Variants in BMPR2 observed in about 807,000 individuals in gnomAD.
The protein encoded by BMPR2 is bone morphogenetic protein receptor type-2.
In BMPR2, 29 loss-of-function variants were observed where a neutral mutation model predicts 100.8. The observed-to-expected ratio is 0.29, with a 90% confidence interval of 0.21 to 0.39. The LOEUF (loss-of-function observed/expected upper bound fraction) is 0.39, where lower values mean the gene tolerates loss of function less well. Among genes scored for constraint, BMPR2 ranks in the 10% least tolerant of loss-of-function variants. The probability of loss-of-function intolerance (pLI) is 1.00; values close to 1 mark genes in which losing one functional copy is unlikely to be tolerated. For synonymous variants in BMPR2, 382 were observed against 442.3 expected (o/e 0.86, Z 1.71); for missense variants, 1,011 against 1,274.5 (o/e 0.79, Z 3.15).
chr2:202,476,451 C>G (rs578252836), intron 3 of BMPR2, among the ~76,000 whole-genome samples: 1 of 152,104 alleles, frequency 6.6e-6, no homozygotes, highest in Non-Finnish European at 1.5e-5. Context: ...CATTCAAAAC[C>G]AAGATGAGAC....
chr2:202,422,810 G>A (rs1445506437), intron 1 of BMPR2, among the ~76,000 whole-genome samples: 2 of 152,086 alleles, frequency 1.3e-5, no homozygotes, highest in Admixed American at 6.6e-5. Flanking sequence ...CTGAATAGCT[G>A]GGATTACAGG....
intron 1 of BMPR2, among the ~76,000 whole-genome samples, chr2:202,441,768 T>A (rs1198456446): frequency 6.9e-6 from 1 of 144,296 alleles, no homozygotes; most frequent in Non-Finnish European, 1.5e-5. Context: ...GCGTGGTGGC[T>A]CACGCCTGTA....
chr2:202,521,961 C>A (rs534512520), intron 7 of BMPR2, among the ~76,000 whole-genome samples: 22 of 152,248 alleles, frequency 1.4e-4, no homozygotes, highest in African/African-American at 5.1e-4. Flanking sequence ...GAGTTTGAGA[C>A]CAGCATGGGC....
chr2:202,525,197 G>A (rs927140859), intron 7 of BMPR2, among the ~76,000 whole-genome samples: 2 of 151,708 alleles, frequency 1.3e-5, no homozygotes, highest in Admixed American at 6.6e-5. Context: ...TATGAGGTAC[G>A]TGAGTTTTGT....
At chr2:202,485,787 C>G (rs13400642) in intron 3 of BMPR2, among the ~76,000 whole-genome samples, 1 of 151,804 alleles carries the variant, frequency 6.6e-6, no homozygotes, top group Non-Finnish European at 1.5e-5. Context: ...TCAAGTGATT[C>G]GCCCGCCTGG....
intron 3 of BMPR2, among the ~76,000 whole-genome samples, chr2:202,504,844 T>C (rs939501970): frequency 1.3e-5 from 2 of 151,974 alleles, no homozygotes; most frequent in Non-Finnish European, 2.9e-5. Flanking sequence ...CGTGCCTGGC[T>C]AATTTTTTGT....
intron 1 of BMPR2, among the ~76,000 whole-genome samples, chr2:202,389,175 T>C (rs1282187830): frequency 2.6e-5 from 4 of 151,700 alleles, no homozygotes; most frequent in Non-Finnish European, 5.9e-5. Flanking sequence ...CAATGAGCTG[T>C]GATCATGCCA....
intron 1 of BMPR2, 32 bp from the exon 2 acceptor site, chr2:202,464,777 A>C (rs1203433325): frequency 6.3e-7 from 1 of 1,582,406 alleles, no homozygotes; most frequent in Non-Finnish European, 8.6e-7. Flanking sequence ...AACATTAAAT[A>C]ATTTGTCATT....
intron 3 of BMPR2, among the ~76,000 whole-genome samples, chr2:202,470,557 C>G (rs978444602): frequency 8.7e-5 from 13 of 149,226 alleles, no homozygotes; most frequent in Admixed American, 8.7e-4. Context: ...GTCAGGAGAT[C>G]GAGACCATCC....
chr2:202,489,158 C>T (rs937913830), intron 3 of BMPR2, among the ~76,000 whole-genome samples: 10 of 152,080 alleles, frequency 6.6e-5, no homozygotes, highest in African/African-American at 2.2e-4. Flanking sequence ...GCTGCCATTA[C>T]ACCCAGCTAA....
chr2:202,555,399 T>C lies in BMPR2; in HGVS notation c.1734T>C (p.Thr578=), dbSNP rs1466340783. ...ATTCTATGTCCAGCACACCTTTGAC[T>C]ATAGGGGAAAAAAACCGAAATTCAA... The part of the protein sequence containing the change: ...SEHSMSSTPL[T]IGEKNRNSIN... The change falls in exon 12 of 13, where the codon ACT becomes ACC. Residue 578 remains threonine (T), a synonymous_variant. Coordinates refer to ENST00000374580, the MANE Select transcript of BMPR2 (RefSeq NM_001204.7). 7 of 1,614,086 alleles carry C rather than the reference T, an allele frequency of 4.3e-6. No individual in the cohort carries two copies. Among genetic ancestry groups the C allele is most frequent in the Non-Finnish European group, 5.9e-6 (7 of 1,180,036 alleles).
At chr2:202,461,895 CTTTT>C (rs1309918390) in intron 1 of BMPR2, among the ~76,000 whole-genome samples, 1 of 151,528 alleles carries the variant, frequency 6.6e-6, no homozygotes, top group Non-Finnish European at 1.5e-5. Context: ...ATACTTTTTT[CTTTT>C]TTTATCATTC....
At chr2:202,386,846 A>G (rs1297338582) in intron 1 of BMPR2, among the ~76,000 whole-genome samples, 4 of 151,974 alleles carry the variant, frequency 2.6e-5, no homozygotes, top group Admixed American at 2.0e-4. Context: ...ACGCCCGGCT[A>G]AATTTTTTTT....
intron 1 of BMPR2, among the ~76,000 whole-genome samples, chr2:202,385,360 G>GTTTTTTT (rs1690404553): frequency 1.0e-4 from 11 of 110,376 alleles, no homozygotes; most frequent in South Asian, 2.7e-4. Flanking sequence ...AAAAAAAGAT[G>GTTTTTTT]CTTTTTTTTT....
At chr2:202,531,039 A>C in intron 8 of BMPR2, 85 bp downstream of exon 8, 9 of 1,526,504 alleles carry the variant, frequency 5.9e-6, no homozygotes, top group African/African-American at 1.4e-5. Flanking sequence ...GTGGTGGCTC[A>C]CGCCTGTAAT....
At chr2:202,490,134 C>G (rs1309039171) in intron 3 of BMPR2, among the ~76,000 whole-genome samples, 3 of 152,176 alleles carry the variant, frequency 2.0e-5, no homozygotes, top group African/African-American at 7.2e-5. Context: ...TAGATTTCTG[C>G]TCGCCTTATA....
chr2:202,446,398 C>CA (rs1330632168), intron 1 of BMPR2, among the ~76,000 whole-genome samples: 1,545 of 139,276 alleles, frequency 0.011, 104 homozygotes, highest in African/African-American at 0.037. Flanking sequence ...AACTCCGTCT[C>CA]AAAAAAAAAA....
At chr2:202,469,623 T>C (rs1422689132) in intron 3 of BMPR2, 2 of 182,010 alleles carry the variant, frequency 1.1e-5, no homozygotes, top group Non-Finnish European at 2.4e-5. Flanking sequence ...GGATAACAGG[T>C]GTCTGCCACC....
At chr2:202,447,498 G>A (rs1374739825) in intron 1 of BMPR2, among the ~76,000 whole-genome samples, 2 of 150,498 alleles carry the variant, frequency 1.3e-5, no homozygotes, top group African/African-American at 2.5e-5. Flanking sequence ...GCAAGAGGGC[G>A]AGACCCCATC....
Sources: gnomAD v4.1 joint callset for allele counts (sites outside exome capture counted in the v4.1 genomes callset) on GRCh38, gnomAD v4.1.1 for gene constraint, MANE v1.5 for transcripts, NCBI Gene and HGNC (gene_info 2026-07-23, HGNC 2026-07-21) for gene names.